NEK6: variants seen among roughly 807,000 people sequenced by gnomAD.
NEK6 encodes NIMA related kinase 6, also known as serine/threonine-protein kinase Nek6.
In NEK6, 27 loss-of-function variants were observed where a neutral mutation model predicts 43.5. The ratio of observed to expected loss-of-function variants is 0.62; its 90% confidence interval spans 0.46 to 0.86. The LOEUF (loss-of-function observed/expected upper bound fraction) is 0.86. Ranked by LOEUF, NEK6 falls within the 40% of genes least tolerant of loss-of-function variation. The probability of loss-of-function intolerance (pLI) is 0.00; values close to 1 mark genes in which losing one functional copy is unlikely to be tolerated. For synonymous variants in NEK6, 167 were observed against 164.1 expected, an observed-to-expected ratio of 1.02 and a Z score of -0.14; for missense variants, 318 against 414.4, an observed-to-expected ratio of 0.77 and a Z score of 2.02.
At chr9:124,277,536 T>A (rs991274473) in intron 1 of NEK6, among the ~76,000 whole-genome samples, 1 of 152,144 alleles carries the variant, frequency 6.6e-6, no homozygotes, top group African/African-American at 2.4e-5. Context: ...CGGAGGGCTC[T>A]CCCCTTGGCA....
chr9:124,290,386 C>T (rs1017184138), intron 1 of NEK6, among the ~76,000 whole-genome samples: 1 of 152,256 alleles, frequency 6.6e-6, no homozygotes, highest in African/African-American at 2.4e-5. Context: ...GCCTCCGCCC[C>T]CAAGGGTGCT....
At chr9:124,269,261 A>AC (rs1831333943) in intron 1 of NEK6, among the ~76,000 whole-genome samples, 1 of 151,746 alleles carries the variant, frequency 6.6e-6, no homozygotes. Context: ...ATCCAGGCTG[A>AC]CCCCATTCTG....
At chr9:124,286,210 A>G (rs767359569) in intron 1 of NEK6, among the ~76,000 whole-genome samples, 2 of 152,134 alleles carry the variant, frequency 1.3e-5, no homozygotes, top group African/African-American at 4.8e-5. Context: ...CCTTGTTGCA[A>G]TTCTATTCAG....
chr9:124,343,505 G>A lies in NEK6; in HGVS notation c.717+3840G>A, dbSNP rs1829761451. Among the ~76,000 whole-genome samples the A allele has an allele frequency of 6.6e-6, 1 of 152,162 alleles. No individual in the cohort carries two copies. Among genetic ancestry groups the A allele is most frequent in the Admixed American group, 6.5e-5 (1 of 15,290 alleles). On this transcript the variant is annotated intron_variant, in intron 8 of 9. Transcript: ENST00000320246. The surrounding 1 kb of genome is among the most constrained non-coding windows in gnomAD (Gnocchi z 5.1). ...ATAGCCGGCCCATCCAAGGGTAACG[G>A]GGCAGGGGCTCTGTGCCAAGTGACC...
Position 124,327,385 on chromosome 9 carries a change from C to G in NEK6, c.562C>G (p.Leu188Val). The G allele has an allele frequency of 6.2e-7, 1 of 1,613,880 alleles. No individual in the cohort carries two copies. The highest frequency in any genetic ancestry group is 1.7e-5 in the Admixed American group (1 of 60,022). Residue 188 changes from leucine to valine, a missense_variant, in exon 7 of 10, where the codon CTC (leucine) becomes GTC (valine). Leu to Val is a conservative substitution (Grantham distance 32). Transcript: ENST00000320246. ...CATCACAGCCACGGGCGTCGTGAAG[C>G]TCGGTGACCTTGGTCTGGGCCGCTT... Reference protein sequence around the residue: ...VFITATGVVKLGDLGLGRFFS... With the variant: ...VFITATGVVKVGDLGLGRFFS...
intron 1 of NEK6, among the ~76,000 whole-genome samples, chr9:124,262,064 T>G (rs550642332): frequency 4.0e-5 from 6 of 151,286 alleles, no homozygotes; most frequent in Non-Finnish European, 7.4e-5. Flanking sequence ...GAGTGAGGGG[T>G]GGTCTGCGGT....
intron 3 of NEK6, among the ~76,000 whole-genome samples, chr9:124,313,400 CAG>C (rs1833642937): frequency 6.6e-6 from 1 of 151,896 alleles, no homozygotes; most frequent in Admixed American, 6.6e-5. Flanking sequence ...GATAGAGTCT[CAG>C]TCTATCACCC....
chr9:124,298,811 C>T lies in NEK6; in HGVS notation c.-29-3125C>T, dbSNP rs539006132. Reference sequence around the variant, plus strand: ...GAAATGGGACCATAATAGACCTTACCTCATGGAGTTGTTGACAAAATGAGA... The same window carrying T: ...GAAATGGGACCATAATAGACCTTACTTCATGGAGTTGTTGACAAAATGAGA... On this transcript the variant is annotated intron_variant, in intron 1 of 9. Transcript: ENST00000320246. Among the ~76,000 whole-genome samples the T allele has an allele frequency of 1.1e-4, 17 of 152,320 alleles. No homozygotes were observed. In the South Asian group the frequency reaches 3.5e-3, roughly 32 times the overall value.
intron 9 of NEK6, among the ~76,000 whole-genome samples, chr9:124,348,472 G>C (rs1830070480): frequency 6.6e-6 from 1 of 152,192 alleles, no homozygotes; most frequent in Non-Finnish European, 1.5e-5. Flanking sequence ...AGAAAGGACA[G>C]GTTTCCTGGC....
At chr9:124,340,964 A>G (rs1340409720) in intron 8 of NEK6, among the ~76,000 whole-genome samples, 1 of 152,102 alleles carries the variant, frequency 6.6e-6, no homozygotes, top group Non-Finnish European at 1.5e-5. Context: ...TGGTGGTGAG[A>G]TTTCCCCTCC....
chr9:124,257,743 C>A (rs373489189), upstream of NEK6: 78 of 1,523,004 alleles, frequency 5.1e-5, no homozygotes, highest in East Asian at 1.0e-3. Context: ...CCTCAGTCTT[C>A]CCATCTCTGA....
intron 1 of NEK6, among the ~76,000 whole-genome samples, chr9:124,277,742 A>G (rs1244334788): frequency 1.3e-5 from 2 of 152,242 alleles, no homozygotes; most frequent in African/African-American, 4.8e-5. Flanking sequence ...CCTGGGGACG[A>G]GAGAGGCCCG....
At chr9:124,350,675 C>T (rs148980204) in intron 9 of NEK6, among the ~76,000 whole-genome samples, 162 bp from the exon 10 acceptor site, 1 of 152,278 alleles carries the variant, frequency 6.6e-6, no homozygotes, top group Non-Finnish European at 1.5e-5. Context: ...GCTGCGCACC[C>T]CTTACTTGCC....
intron 2 of NEK6, among the ~76,000 whole-genome samples, chr9:124,307,617 G>A (rs1183046730): frequency 6.6e-6 from 1 of 152,226 alleles, no homozygotes; most frequent in African/African-American, 2.4e-5. Context: ...AGTCTCCTCT[G>A]CCTTTGGGGA....
chr9:124,289,086 T>C (rs780264494), intron 1 of NEK6, among the ~76,000 whole-genome samples: 3 of 151,278 alleles, frequency 2.0e-5, no homozygotes, highest in Non-Finnish European at 4.4e-5. Context: ...GCTTAAGTGA[T>C]CCTTCCATCT....
intron 7 of NEK6, among the ~76,000 whole-genome samples, chr9:124,330,207 C>T (rs571754943): frequency 3.2e-4 from 48 of 152,258 alleles, no homozygotes; most frequent in Non-Finnish European, 5.4e-4. Context: ...AAATAGGAGC[C>T]GTAATTAGAG....
At chr9:124,349,618 G>C (rs1830143342) in intron 9 of NEK6, among the ~76,000 whole-genome samples, 1 of 151,952 alleles carries the variant, frequency 6.6e-6, no homozygotes, top group Non-Finnish European at 1.5e-5. Flanking sequence ...TTTTTCTCTT[G>C]AATTCTGAAA....
intron 5 of NEK6, among the ~76,000 whole-genome samples, chr9:124,321,989 C>T (rs1192042222): frequency 1.3e-5 from 2 of 152,220 alleles, no homozygotes; most frequent in Non-Finnish European, 2.9e-5. Flanking sequence ...GGCAGCACCC[C>T]GTTTGGTCAG....
chr9:124,306,116 C>G (rs1306953262), intron 2 of NEK6, among the ~76,000 whole-genome samples: 1 of 152,046 alleles, frequency 6.6e-6, no homozygotes, highest in Non-Finnish European at 1.5e-5. Flanking sequence ...CATGGGGCTA[C>G]AGCACTGGGG....
Sources: gnomAD v4.1 joint callset for allele counts (sites outside exome capture counted in the v4.1 genomes callset) on GRCh38, gnomAD v4.1.1 for gene constraint, Gnocchi (gnomAD v3.1) non-coding constraint, MANE v1.5 for transcripts, NCBI Gene and HGNC (gene_info 2026-07-23, HGNC 2026-07-21) for gene names.